Variants in DEPTOR observed in about 807,000 individuals in gnomAD.
DEPTOR encodes DEP domain-containing mTOR-interacting protein.
A neutral mutation model predicts 41.6 loss-of-function variants in DEPTOR; 41 were observed. The ratio of observed to expected loss-of-function variants is 0.98; its 90% CI spans 0.77 to 1.28. DEPTOR has a LOEUF of 1.28. DEPTOR is among the 50% of genes most tolerant of loss of function. The probability of loss-of-function intolerance (pLI) is 0.00; values close to 1 mark genes in which losing one functional copy is unlikely to be tolerated. For missense variants in DEPTOR, 514 were observed against 527.9 expected, an observed-to-expected ratio of 0.97 and a Z score of 0.26; for synonymous variants, 195 against 192.3, an observed-to-expected ratio of 1.01 and a Z score of -0.12.
At chr8:119,918,251 C>CACCT (rs1219539156) in intron 1 of DEPTOR, among the ~76,000 whole-genome samples, 1 of 152,150 alleles carries the variant, frequency 6.6e-6, no homozygotes, top group Admixed American at 6.5e-5. Flanking sequence ...AGGGGCAACC[C>CACCT]ACCTCTTTAC....
intron 3 of DEPTOR, among the ~76,000 whole-genome samples, chr8:119,945,659 G>A (rs559123453): frequency 1.3e-5 from 2 of 152,304 alleles, no homozygotes; most frequent in Non-Finnish European, 2.9e-5. Flanking sequence ...GCCATGTTCA[G>A]CATGTTTTGA....
intron 4 of DEPTOR, among the ~76,000 whole-genome samples, chr8:119,986,855 C>T (rs1023616238): frequency 6.6e-6 from 1 of 151,688 alleles, no homozygotes; most frequent in African/African-American, 2.4e-5. Context: ...ACAAAGTTCT[C>T]ATGCTGTGAT....
chr8:119,916,611 A>G (rs1389958831), intron 1 of DEPTOR, among the ~76,000 whole-genome samples: 1 of 152,194 alleles, frequency 6.6e-6, no homozygotes, highest in South Asian at 2.1e-4. Flanking sequence ...AGCCCTTTAG[A>G]AAGGTTCTAT....
Position 119,928,560 on chromosome 8 carries a change from C to G in DEPTOR, c.283C>G (p.Arg95Gly), listed in dbSNP as rs751318250. Residue 95 changes from arginine to glycine, a missense_variant, in exon 2 of 9, where the codon CGG (arginine) becomes GGG (glycine). Transcript: ENST00000286234. ...TAAACTCATGCAGAAATTAGCAGACCGGGGCATTATTCACCATGGTGAGTG... is the reference window on the plus strand; with the variant it reads ...TAAACTCATGCAGAAATTAGCAGACGGGGGCATTATTCACCATGGTGAGTG... ...AIKLMQKLADRGIIHHVCDEH... is the reference protein window; with the variant it reads ...AIKLMQKLADGGIIHHVCDEH... The G allele has an allele frequency of 1.2e-6, 2 of 1,613,874 alleles. No homozygotes were observed. Among genetic ancestry groups the G allele is most frequent in the Middle Eastern group, 3.3e-4 (2 of 6,062 alleles).
intron 4 of DEPTOR, among the ~76,000 whole-genome samples, chr8:119,969,356 T>G (rs1298449569): frequency 6.6e-6 from 1 of 151,712 alleles, no homozygotes; most frequent in African/African-American, 2.4e-5. Flanking sequence ...TTTTGTTTTT[T>G]TTTGTTTTTT....
Position 120,030,503 on chromosome 8 carries a change from T to G in DEPTOR, c.1102-19073T>G, listed in dbSNP as rs1325877176. Among the ~76,000 whole-genome samples the G allele has an allele frequency of 6.1e-5, 7 of 114,158 alleles. No individual in the cohort carries two copies. The East Asian group carries it at 7.7e-4, about 13-fold the overall frequency. The allele number at this position is 114,158 out of a possible 152,430, so 74.9% of individuals were successfully genotyped here. On this transcript the variant is annotated intron_variant, in intron 8 of 8. Coordinates refer to ENST00000286234, the MANE Select transcript of DEPTOR (RefSeq NM_022783.4). ...GTATTGTGTAGGTTCATCAGTTTTTTTTTTTTTTTTTTTTTTTTTTTTAGC... is the reference window on the plus strand; with the variant it reads ...GTATTGTGTAGGTTCATCAGTTTTTGTTTTTTTTTTTTTTTTTTTTTTAGC...
At chr8:119,943,454 C>T (rs1828229744) in intron 3 of DEPTOR, among the ~76,000 whole-genome samples, 2 of 152,208 alleles carry the variant, frequency 1.3e-5, no homozygotes, top group South Asian at 2.1e-4. Context: ...ACTTATATAA[C>T]CATCAGATCT....
chr8:120,022,270 C>T (rs1457076871), intron 8 of DEPTOR, among the ~76,000 whole-genome samples: 1 of 151,660 alleles, frequency 6.6e-6, no homozygotes. Flanking sequence ...GTTCAAGCCC[C>T]ATTGACTACT....
intron 3 of DEPTOR, among the ~76,000 whole-genome samples, chr8:119,952,423 A>C (rs1368104110): frequency 6.6e-6 from 1 of 152,202 alleles, no homozygotes; most frequent in Non-Finnish European, 1.5e-5. Context: ...CCCTGAACCT[A>C]GGTTCCCTTG....
intron 1 of DEPTOR, among the ~76,000 whole-genome samples, chr8:119,892,447 G>A (rs1827463751): frequency 6.6e-6 from 1 of 152,178 alleles, no homozygotes; most frequent in Non-Finnish European, 1.5e-5. Flanking sequence ...ATAAGTAATA[G>A]TAATGAATCC....
At chr8:119,964,236 G>A (rs939833059) in intron 3 of DEPTOR, among the ~76,000 whole-genome samples, 2 of 152,074 alleles carry the variant, frequency 1.3e-5, no homozygotes, top group Admixed American at 6.6e-5. Flanking sequence ...AGCACGGACC[G>A]CTGGGCACGG....
chr8:120,045,305 G>T (rs12548273), intron 8 of DEPTOR, among the ~76,000 whole-genome samples: 4 of 152,024 alleles, frequency 2.6e-5, no homozygotes, highest in Non-Finnish European at 5.9e-5. Flanking sequence ...AGAAATGTGT[G>T]TGTGCATACA....
At chr8:119,997,683 G>C (rs763653321) in intron 4 of DEPTOR, among the ~76,000 whole-genome samples, 1 of 152,152 alleles carries the variant, frequency 6.6e-6, no homozygotes, top group Admixed American at 6.5e-5. Context: ...GCTGGCACTG[G>C]TGCTCTCTTA....
At chr8:120,035,890 G>C (rs1471574464) in intron 8 of DEPTOR, among the ~76,000 whole-genome samples, 2 of 152,202 alleles carry the variant, frequency 1.3e-5, no homozygotes, top group Non-Finnish European at 2.9e-5. Flanking sequence ...AATGCTGTCT[G>C]TCCTTAATGC....
intron 4 of DEPTOR, among the ~76,000 whole-genome samples, chr8:119,990,953 A>G (rs1364542584): frequency 2.0e-5 from 3 of 152,192 alleles, no homozygotes; most frequent in African/African-American, 7.2e-5. Context: ...TTTAGGAAAT[A>G]GGGCTCCTTC....
At chr8:120,029,072 T>TA (rs11413385) in intron 8 of DEPTOR, among the ~76,000 whole-genome samples, 113,175 of 146,448 alleles carry the variant, frequency 0.77, 43,403 homozygotes, top group African/African-American at 0.8. Flanking sequence ...AAACTCCATC[T>TA]AAAAAAAAAA....
chr8:119,929,716 A>T, intron 2 of DEPTOR, 99 bp from the exon 3 acceptor site: 1 of 1,462,188 alleles, frequency 6.8e-7, no homozygotes, highest in South Asian at 1.4e-5. Flanking sequence ...GAAGAATGTG[A>T]TAGTGAAATA....
At chr8:119,878,447 G>A (rs918857053) in intron 1 of DEPTOR, among the ~76,000 whole-genome samples, 5 of 151,910 alleles carry the variant, frequency 3.3e-5, no homozygotes, top group African/African-American at 9.7e-5. Flanking sequence ...AGCCTCCCGA[G>A]TAGGTGGGAT....
chr8:119,990,082 C>T (rs1211752721), intron 4 of DEPTOR, among the ~76,000 whole-genome samples: 1 of 152,126 alleles, frequency 6.6e-6, no homozygotes, highest in Non-Finnish European at 1.5e-5. Context: ...AAATCCTACC[C>T]CTTGTTCTGC....
Sources: allele counts gnomAD v4.1 joint callset (sites outside exome capture counted in the v4.1 genomes callset), GRCh38; gene constraint gnomAD v4.1.1; transcripts MANE v1.5; gene names NCBI Gene and HGNC (gene_info 2026-07-23, HGNC 2026-07-21).